GDA: variants seen among roughly 807,000 people sequenced by gnomAD.
GDA encodes guanine deaminase.
Under a neutral mutation model 59.6 loss-of-function variants are expected in GDA, and 18 were observed. The observed-to-expected ratio is 0.30, with a 90% CI of 0.21 to 0.45. The LOEUF (loss-of-function observed/expected upper bound fraction) is 0.45. Among genes scored for constraint, GDA ranks in the 20% least tolerant of loss-of-function variants. The pLI, the probability that GDA is intolerant of heterozygous loss-of-function variation, is 1.00. For synonymous variants in GDA, 201 were observed against 201.1 expected (o/e 1.00, Z 0.00); for missense variants, 427 against 552.3 (o/e 0.77, Z 2.27).
At chr9:72,117,169 C>G (rs1049408437) in intron 1 of GDA, among the ~76,000 whole-genome samples, 2 of 152,038 alleles carry the variant, frequency 1.3e-5, no homozygotes, top group Non-Finnish European at 2.9e-5. Flanking sequence ...TTAATCTAGT[C>G]TATCATTCAC....
intron 5 of GDA, among the ~76,000 whole-genome samples, chr9:72,217,958 G>A (rs1222750235): frequency 6.6e-6 from 1 of 151,544 alleles, no homozygotes; most frequent in Non-Finnish European, 1.5e-5. Flanking sequence ...CTGTAGCCCA[G>A]GCTGGAGTGC....
chr9:72,250,372 A>AG lies in GDA; in HGVS notation c.*2030_*2031insG. The AG allele has an allele frequency of 9.1e-7, 1 of 1,102,332 alleles. No homozygotes were observed. Among genetic ancestry groups the AG allele is most frequent in the Non-Finnish European group, 1.1e-6 (1 of 902,412 alleles). The allele number at this position is 1,102,332 out of a possible 1,614,324, so 68.3% of individuals were successfully genotyped here. ...TAGGACTCATGTGCAGTAAATATAA[A>AG]TAAGTGTAGCATCAGAAGCAGTAGG... On this transcript the variant is annotated 3_prime_UTR_variant, in exon 14 of 14. Transcript: ENST00000358399.
intron 2 of GDA, among the ~76,000 whole-genome samples, chr9:72,201,165 T>C (rs1833954975): frequency 6.6e-6 from 1 of 151,694 alleles, no homozygotes. Context: ...ATCTCCATTT[T>C]ACATAAGGGG....
Position 72,251,814 on chromosome 9 carries a change from C to T in GDA, c.*3472C>T, listed in dbSNP as rs1437574046. The T allele has an allele frequency of 1.3e-5, 2 of 152,038 alleles. No individual in the cohort carries two copies. The highest frequency in any genetic ancestry group is 3.9e-4 in the East Asian group (2 of 5,190). The allele number at this position is 152,038 out of a possible 1,614,324, so 9.4% of individuals were successfully genotyped here. A position where few individuals can be genotyped will look rare whatever the true frequency, so the allele number is the denominator to read the frequency against. ...CTCACTGCCTTTCCTTCCCACAGACCTGAGTGTGAAAGACTGAGAGTTGAG... is the reference window on the plus strand; with the variant it reads ...CTCACTGCCTTTCCTTCCCACAGACTTGAGTGTGAAAGACTGAGAGTTGAG... On this transcript the variant is annotated 3_prime_UTR_variant, in exon 14 of 14. Coordinates refer to ENST00000358399, the MANE Select transcript of GDA (RefSeq NM_004293.5).
At chr9:72,221,744 G>T (rs1836904172) in intron 6 of GDA, among the ~76,000 whole-genome samples, 1 of 152,054 alleles carries the variant, frequency 6.6e-6, no homozygotes, top group Non-Finnish European at 1.5e-5. Context: ...AGTGTTTGTT[G>T]TTCCCCTCTA....
intron 1 of GDA, among the ~76,000 whole-genome samples, chr9:72,118,563 A>G (rs1279525732): frequency 6.6e-6 from 1 of 152,198 alleles, no homozygotes; most frequent in African/African-American, 2.4e-5. Context: ...GCTCTAGGAG[A>G]TGCATAGAAA....
intron 1 of GDA, among the ~76,000 whole-genome samples, chr9:72,163,268 A>C (rs1201276327): frequency 6.6e-6 from 1 of 152,208 alleles, no homozygotes; most frequent in African/African-American, 2.4e-5. Flanking sequence ...TAAAACATAG[A>C]GACAAATCTC....
At chr9:72,254,709 G>A (rs1359238965), downstream of GDA, among the ~76,000 whole-genome samples, 1 of 152,152 alleles carries the variant, frequency 6.6e-6, no homozygotes, top group African/African-American at 2.4e-5. Flanking sequence ...TTTAGTCTGG[G>A]CCAGTCTCCA....
At chr9:72,162,927 G>A (rs1035854606) in intron 1 of GDA, among the ~76,000 whole-genome samples, 2 of 152,206 alleles carry the variant, frequency 1.3e-5, no homozygotes, top group Non-Finnish European at 2.9e-5. Context: ...AAAGTGCTGG[G>A]ATTACAGGCG....
At chr9:72,247,055 A>C (rs1840212975) in intron 12 of GDA, among the ~76,000 whole-genome samples, 1 of 152,170 alleles carries the variant, frequency 6.6e-6, no homozygotes, top group Non-Finnish European at 1.5e-5. Context: ...ACAACAAAAT[A>C]AGGCAGGTTG....
At chr9:72,189,029 A>G (rs1416228906) in intron 1 of GDA, among the ~76,000 whole-genome samples, 1 of 151,974 alleles carries the variant, frequency 6.6e-6, no homozygotes, top group African/African-American at 2.4e-5. Context: ...AGGACTGTCA[A>G]TCCTATGCTT....
downstream of GDA, among the ~76,000 whole-genome samples, chr9:72,258,500 G>A (rs1203600230): frequency 5.3e-5 from 8 of 152,128 alleles, no homozygotes; most frequent in Non-Finnish European, 8.8e-5. Flanking sequence ...TAAAGAGTCT[G>A]GGCCACTTAA....
At position 72,161,198 on chromosome 9, in the gene GDA, G is replaced by T. The variant is rs72741963; in HGVS notation, c.123+11516G>T. Among the ~76,000 whole-genome samples, 53 of 151,874 alleles carry T rather than the reference G, an allele frequency of 3.5e-4. 1 individual carries two copies. The highest frequency in any genetic ancestry group is 1.3e-3 in the African/African-American group (53 of 41,368). Reference sequence around the variant, plus strand: ...GCTGGGATTATAGGCGTGAGCCACCGCCCCGGCCTGTGTCCTACTTTCTAC... The same window carrying T: ...GCTGGGATTATAGGCGTGAGCCACCTCCCCGGCCTGTGTCCTACTTTCTAC... On this transcript the variant is annotated intron_variant, in intron 1 of 13. Coordinates refer to ENST00000358399, the MANE Select transcript of GDA (RefSeq NM_004293.5).
chr9:72,138,096 A>T lies in GDA; in HGVS notation c.-100+23263A>T, dbSNP rs367953268. On this transcript the variant is annotated intron_variant, in intron 1 of 13. Transcript: ENST00000545168. ...TACATCTGTCTGCAGCTGCAGGCATACCCCCGAGTCTGCTTTTGGCTTCCC... is the reference window on the plus strand; with the variant it reads ...TACATCTGTCTGCAGCTGCAGGCATTCCCCCGAGTCTGCTTTTGGCTTCCC... 1.3e-4 allele frequency among the ~76,000 whole-genome samples: 20 copies of T among 151,944 alleles called. No individual in the cohort carries two copies. In the South Asian group the frequency reaches 4.0e-3, roughly 30 times the overall value.
At chr9:72,125,004 A>G (rs866526101) in intron 1 of GDA, among the ~76,000 whole-genome samples, 2 of 152,202 alleles carry the variant, frequency 1.3e-5, no homozygotes, top group Admixed American at 6.5e-5. Context: ...AATGAATACT[A>G]TTTTTAGGGC....
At chr9:72,217,637 A>T (rs1483944826) in intron 5 of GDA, among the ~76,000 whole-genome samples, 2 of 152,090 alleles carry the variant, frequency 1.3e-5, no homozygotes, top group African/African-American at 2.4e-5. Context: ...AATGAAGTAA[A>T]TCATTTACCC....
rs187937961 is a variant in GDA at position 72,159,444 on chromosome 9, G to T, written c.123+9762G>T. On this transcript the variant is annotated intron_variant, in intron 1 of 13. Coordinates refer to ENST00000358399, the MANE Select transcript of GDA (RefSeq NM_004293.5). Reference sequence around the variant, plus strand: ...TGAGTGATAGAACAAACCTTTCTCAGCAAACCCCACCTTAAAACCCAACTG... The same window carrying T: ...TGAGTGATAGAACAAACCTTTCTCATCAAACCCCACCTTAAAACCCAACTG... Among the ~76,000 whole-genome samples, 638 of 152,080 alleles carry T rather than the reference G, an allele frequency of 4.2e-3. 4 individuals carry two copies. Among genetic ancestry groups the T allele is most frequent in the Non-Finnish European group, 7.0e-3 (478 of 67,990 alleles).
At position 72,228,011 on chromosome 9, in the gene GDA, C is replaced by A. The variant is rs754744003; in HGVS notation, c.891C>A (p.Ser297=). 6.3e-7 allele frequency: 1 copy of A among 1,593,316 alleles called. No homozygotes were observed. Among genetic ancestry groups the A allele is most frequent in the Non-Finnish European group, 8.6e-7 (1 of 1,161,694 alleles). Residue 297 remains serine (S), a synonymous_variant, in exon 9 of 14, where the codon TCC becomes TCA. Transcript: ENST00000358399. The part of the protein sequence containing the change: ...ELNVFHERGA[S]IAHCPNSNLS... ...ACGTATTCCATGAACGAGGAGCATCCATCGCACACTGTCCCAATTCTAATT... is the reference window on the plus strand; with the variant it reads ...ACGTATTCCATGAACGAGGAGCATCAATCGCACACTGTCCCAATTCTAATT...
chr9:72,225,903 A>T (rs1837499082), intron 8 of GDA, 119 bp downstream of exon 8: 6 of 556,488 alleles, frequency 1.1e-5, no homozygotes, highest in African/African-American at 1.9e-5. Context: ...AATTTTTTTT[A>T]AAGTTTTAAT....
Sources: allele counts gnomAD v4.1 joint callset (sites outside exome capture counted in the v4.1 genomes callset), GRCh38; gene constraint gnomAD v4.1.1; transcripts MANE v1.5; gene names NCBI Gene and HGNC (gene_info 2026-07-23, HGNC 2026-07-21).